The following MTOR variants were observed in gnomAD, a reference collection of about 807,000 sequenced individuals.
MTOR encodes serine/threonine-protein kinase mTOR.
In MTOR, 70 loss-of-function variants were observed where a neutral mutation model predicts 319.8. That is an observed-to-expected ratio of 0.22 (90% CI 0.18 to 0.27). The LOEUF (loss-of-function observed/expected upper bound fraction) is 0.27. Ranked by LOEUF, MTOR falls within the 10% of genes least tolerant of loss-of-function variation. The pLI is 1.00. For synonymous variants in MTOR, 1,183 were observed against 1,211.4 expected, an observed-to-expected ratio of 0.98 and a Z score of 0.49; for missense variants, 1,890 against 3,274.4, an observed-to-expected ratio of 0.58 and a Z score of 10.32.
chr1:11,146,210 G>C (rs1643923616), intron 32 of MTOR, among the ~76,000 whole-genome samples: 1 of 152,178 alleles, frequency 6.6e-6, no homozygotes, highest in Non-Finnish European at 1.5e-5. Flanking sequence ...TGACAGGGTG[G>C]ATGGGATTAC....
chr1:11,108,421 T>G (rs767823496), intron 56 of MTOR, 135 bp from the exon 57 acceptor site: 5 of 741,630 alleles, frequency 6.7e-6, no homozygotes, highest in Non-Finnish European at 1.1e-5. Context: ...ATAGTTGGAT[T>G]TGAAAAGTTT....
At chr1:11,126,041 C>CAAAAA (rs757246303) in intron 46 of MTOR, among the ~76,000 whole-genome samples, 5 of 28,322 alleles carry the variant, frequency 1.8e-4, no homozygotes, top group Non-Finnish European at 3.1e-4. Context: ...AACTCTGGCT[C>CAAAAA]AAAAAAAAAA....
intron 10 of MTOR, among the ~76,000 whole-genome samples, chr1:11,241,182 G>A (rs1054854516): frequency 6.6e-6 from 1 of 151,884 alleles, no homozygotes; most frequent in African/African-American, 2.4e-5. Flanking sequence ...TTAGCCAGGC[G>A]TGGTGGCAGG....
rs767844812 is a variant in MTOR, at chr1:11,127,849, A to G, written c.6034-43T>C. On this transcript the variant is annotated intron_variant, in intron 43 of 57. Transcript: ENST00000361445. This position sits in a 1 kb window ranked among gnomAD's most constrained non-coding sequence, Gnocchi z 5.5. ...AGGAGAGAAGCATCAAGAATCAGCT[A>G]ACCTCAGAAAGGTCTGTTTTGGAGA... 1 of 1,595,860 alleles carries G rather than the reference A, an allele frequency of 6.3e-7. No homozygotes were observed. The highest frequency in any genetic ancestry group is 1.1e-5 in the South Asian group (1 of 88,434).
intron 28 of MTOR, among the ~76,000 whole-genome samples, chr1:11,178,464 T>G (rs1481140555): frequency 6.6e-6 from 1 of 152,246 alleles, no homozygotes; most frequent in African/African-American, 2.4e-5. Context: ...CTCTGGCTGA[T>G]TTAGGGAGCT....
intron 56 of MTOR, 110 bp from the exon 57 acceptor site, chr1:11,108,396 A>G: frequency 1.2e-6 from 1 of 863,820 alleles, no homozygotes; most frequent in Non-Finnish European, 1.9e-6. Context: ...AGACATGAAG[A>G]TGAAGGATAC....
At chr1:11,237,760 T>C in intron 13 of MTOR, 83 bp downstream of exon 13, 2 of 1,463,814 alleles carry the variant, frequency 1.4e-6, no homozygotes, top group East Asian at 2.3e-5. Context: ...CCCATCCTTG[T>C]CCTCAACTCC....
At chr1:11,171,335 T>C (rs1025892914) in intron 28 of MTOR, among the ~76,000 whole-genome samples, 5 of 151,980 alleles carry the variant, frequency 3.3e-5, no homozygotes, top group African/African-American at 1.2e-4. Flanking sequence ...CAGGCTGAAG[T>C]TCAGTGGCAC....
intron 19 of MTOR, among the ~76,000 whole-genome samples, chr1:11,225,912 A>T (rs1226844294): frequency 6.6e-6 from 1 of 152,222 alleles, no homozygotes; most frequent in East Asian, 1.9e-4. Context: ...AGTAGCCAAA[A>T]CTGCTTCAAG....
chr1:11,234,297 T>C, intron 13 of MTOR, 32 bp from the exon 14 acceptor site: 1 of 1,580,592 alleles, frequency 6.3e-7, no homozygotes, highest in Non-Finnish European at 8.6e-7. Context: ...ATGTTCTCTA[T>C]GGCAGAAGAC....
In MTOR at chr1:11,109,492, G is replaced by A. The variant is rs1641747662; in HGVS notation, c.7448-122C>T. The A allele has an allele frequency of 5.0e-6, 6 of 1,201,408 alleles. No individual in the cohort carries two copies. Among genetic ancestry groups the A allele is most frequent in the Middle Eastern group, 2.0e-4 (1 of 5,116 alleles). The allele number at this position is 1,201,408 out of a possible 1,614,324, so 74.4% of individuals were successfully genotyped here. Reference sequence around the variant, plus strand: ...GTTAAGCAATCCTTCCTCTATGTCCGTCTTTGTCCTCAGAATATAATGAGA... The same window carrying A: ...GTTAAGCAATCCTTCCTCTATGTCCATCTTTGTCCTCAGAATATAATGAGA... On this transcript the variant is annotated intron_variant, in intron 55 of 57. Transcript: ENST00000361445. This position sits in a 1 kb window ranked among gnomAD's most constrained non-coding sequence, Gnocchi z 4.0.
At chr1:11,248,806 T>A (rs1649198254) in intron 6 of MTOR, among the ~76,000 whole-genome samples, 1 of 152,064 alleles carries the variant, frequency 6.6e-6, no homozygotes. Context: ...GAGGGAAATC[T>A]GTCTCAAAAA....
At chr1:11,234,354 G>A (rs1192978071) in intron 13 of MTOR, 89 bp from the exon 14 acceptor site, 1 of 1,473,274 alleles carries the variant, frequency 6.8e-7, no homozygotes, top group African/African-American at 1.4e-5. Flanking sequence ...CAGGGAACTG[G>A]GGGAAAAACC....
chr1:11,163,211 G>C (rs1217103853), intron 29 of MTOR, among the ~76,000 whole-genome samples: 1 of 152,100 alleles, frequency 6.6e-6, no homozygotes, highest in African/African-American at 2.4e-5. Flanking sequence ...AATGATAAAG[G>C]GATCAATTCA....
At chr1:11,180,521 G>A (rs1378865022) in intron 28 of MTOR, among the ~76,000 whole-genome samples, 1 of 152,110 alleles carries the variant, frequency 6.6e-6, no homozygotes, top group African/African-American at 2.4e-5. Flanking sequence ...AGAATGACCA[G>A]GCCTGTTTTC....
intron 19 of MTOR, among the ~76,000 whole-genome samples, chr1:11,223,758 G>A (rs1293402587): frequency 6.6e-6 from 1 of 152,100 alleles, no homozygotes; most frequent in Non-Finnish European, 1.5e-5. Flanking sequence ...ACGCAAACAT[G>A]GCCAGGTGCA....
intron 2 of MTOR, 108 bp downstream of exon 2, chr1:11,259,140 T>C (rs996764283): frequency 6.5e-6 from 9 of 1,391,828 alleles, no homozygotes; most frequent in Non-Finnish European, 8.7e-6. Context: ...TATAAAATAA[T>C]CTCTGTTTTC....
At chr1:11,130,229 C>T (rs1433143767) in intron 39 of MTOR, among the ~76,000 whole-genome samples, 1 of 152,186 alleles carries the variant, frequency 6.6e-6, no homozygotes, top group East Asian at 1.9e-4. Context: ...TCAGAGTGGA[C>T]CCGCAGCTGT....
chr1:11,141,813 C>T (rs1390412204), intron 34 of MTOR, among the ~76,000 whole-genome samples: 3 of 149,452 alleles, frequency 2.0e-5, no homozygotes, highest in Non-Finnish European at 3.0e-5. Flanking sequence ...GGTGAAACCC[C>T]GTCTCTACTA....
Sources: gnomAD v4.1 joint callset for allele counts (sites outside exome capture counted in the v4.1 genomes callset) on GRCh38, gnomAD v4.1.1 for gene constraint, Gnocchi (gnomAD v3.1) non-coding constraint, MANE v1.5 for transcripts, NCBI Gene and HGNC (gene_info 2026-07-23, HGNC 2026-07-21) for gene names.